The following CLHC1 variants were observed in gnomAD, a reference collection of about 807,000 sequenced individuals.
CLHC1 encodes clathrin heavy chain linker domain-containing protein 1.
In CLHC1, 72 loss-of-function variants were observed where a neutral mutation model predicts 69.5. That is an observed-to-expected ratio of 1.04 (90% confidence interval 0.86 to 1.26). CLHC1 has a LOEUF of 1.26. Among genes scored for constraint, CLHC1 ranks in the 50% most tolerant of loss-of-function variants. The pLI is 0.00. For synonymous variants in CLHC1, 223 were observed against 224.3 expected (o/e 0.99, Z 0.05); for missense variants, 790 against 679.3 (o/e 1.16, Z -1.81).
At chr2:55,213,952 T>C (rs563615665) in intron 4 of CLHC1, among the ~76,000 whole-genome samples, 9 of 152,162 alleles carry the variant, frequency 5.9e-5, no homozygotes, top group African/African-American at 1.7e-4. Context: ...TCTGGATAAA[T>C]TGACCTAAGA....
chr2:55,180,105 G>T (rs576489095), intron 11 of CLHC1, among the ~76,000 whole-genome samples: 7 of 151,884 alleles, frequency 4.6e-5, no homozygotes, highest in Admixed American at 6.6e-5. Context: ...AGTGAGCCAA[G>T]ATCGCAGCAC....
chr2:55,180,888 A>C (rs1173895240), intron 10 of CLHC1, among the ~76,000 whole-genome samples, 176 bp from the exon 11 acceptor site: 2 of 152,212 alleles, frequency 1.3e-5, no homozygotes, highest in Non-Finnish European at 2.9e-5. Flanking sequence ...GTCAATTTCT[A>C]TCACCCCGAT....
At chr2:55,221,491 A>G (rs1377424620) in intron 3 of CLHC1, among the ~76,000 whole-genome samples, 2 of 152,240 alleles carry the variant, frequency 1.3e-5, no homozygotes, top group African/African-American at 4.8e-5. Flanking sequence ...ACTCCAATCT[A>G]CAAGGAACCT....
At chr2:55,212,596 T>A in intron 5 of CLHC1, 77 bp downstream of exon 5, 1 of 1,161,548 alleles carries the variant, frequency 8.6e-7, no homozygotes, top group Non-Finnish European at 1.3e-6. Flanking sequence ...ATCAGCACAT[T>A]TATATTAATG....
Position 55,209,814 on chromosome 2 carries a change from A to G in CLHC1, c.517T>C (p.Ser173Pro). ...TTAGTGAGAGCATCTAGATTCATGG[A>G]TTCTTGAAGAGTCATGCCTATGGGG... is the stretch of plus-strand genomic sequence containing the variant. ...KPIPGMTLQE[S>P]MNLDALTKYM... Residue 173 changes from serine (S) to proline (P), a missense_variant, in exon 6 of 13, where the codon TCC (serine) becomes CCC (proline). By Grantham distance (74) the Ser-to-Pro change is moderately conservative. Coordinates refer to ENST00000401408, the MANE Select transcript of CLHC1 (RefSeq NM_152385.4). 1 of 1,606,870 alleles carries G rather than the reference A, an allele frequency of 6.2e-7. No homozygotes were observed. Among genetic ancestry groups the G allele is most frequent in the African/African-American group, 1.3e-5 (1 of 74,906 alleles).
At chr2:55,185,852 C>G (rs1489310693) in intron 9 of CLHC1, among the ~76,000 whole-genome samples, 1 of 152,084 alleles carries the variant, frequency 6.6e-6, no homozygotes, top group Non-Finnish European at 1.5e-5. Flanking sequence ...CTGCTGTGAA[C>G]ATTATTTTAT....
In CLHC1 at chr2:55,209,801, T is replaced by C. The variant is rs564150260; in HGVS notation, c.530A>G (p.Asp177Gly). 533 of 1,609,422 alleles carry C rather than the reference T, an allele frequency of 3.3e-4. 2 individuals are homozygous for C. The South Asian group carries it at 5.7e-3, about 17-fold the overall frequency. The change falls in exon 6 of 13, where the codon GAT becomes GGT. Residue 177 changes from aspartate to glycine, a missense_variant. Physicochemically the swap from Asp to Gly is moderately conservative, Grantham distance 94. Coordinates refer to ENST00000401408, the MANE Select transcript of CLHC1 (RefSeq NM_152385.4). Reference protein sequence around the residue: ...GMTLQESMNLDALTKYMKHLE... With the variant: ...GMTLQESMNLGALTKYMKHLE... ...ATGTTTCATGTATTTAGTGAGAGCA[T>C]CTAGATTCATGGATTCTTGAAGAGT...
At position 55,185,618 on chromosome 2, in the gene CLHC1, T is replaced by C. The variant is rs150589126; in HGVS notation, c.1007-3874A>G. Among the ~76,000 whole-genome samples, 30 of 152,312 alleles carry C rather than the reference T, an allele frequency of 2.0e-4. No individual in the cohort carries two copies. The East Asian group carries it at 5.6e-3, about 28-fold the overall frequency. On this transcript the variant is annotated intron_variant, in intron 9 of 12. Transcript: ENST00000401408. ...ACCTAGAACAATGCCCAGCACATAT[T>C]AGATAATCAATTTTGTTGAATGAAG...
rs1400143943 is a variant in CLHC1 at position 55,206,370 on chromosome 2, A to C, written c.906T>G (p.Asn302Lys). The change falls in exon 9 of 13, where the codon AAT (asparagine) becomes AAG (lysine). Residue 302 changes from asparagine (N) to lysine (K), a missense_variant. Asn to Lys is a moderately conservative substitution (Grantham distance 94, BLOSUM62 0). Transcript: ENST00000401408. Reference sequence around the variant, plus strand: ...CATATTCACCAAGTGAGATTAACTCATTAAACCTATAGCCATCACATTTTA... The same window carrying C: ...CATATTCACCAAGTGAGATTAACTCCTTAAACCTATAGCCATCACATTTTA... ...EIMLHYIERF[N>K]ELISLGEYEK... 6.4e-7 allele frequency: 1 copy of C among 1,568,444 alleles called. No homozygotes were observed. Among genetic ancestry groups the C allele is most frequent in the Non-Finnish European group, 8.8e-7 (1 of 1,139,630 alleles).
Position 55,180,663 on chromosome 2 carries a change from G to C in CLHC1, c.1231C>G (p.Gln411Glu), listed in dbSNP as rs766560089. The change falls in exon 11 of 13, where the codon CAG becomes GAG. Residue 411 changes from glutamine (Q) to glutamate (E), a missense_variant. Physicochemically the swap from Gln to Glu is conservative, Grantham distance 29. Transcript: ENST00000401408. ...CACTTGGCCTTGTTATAAGTATCCTGCTCCCCATAATCACAAATCACATCC... is the reference window on the plus strand; with the variant it reads ...CACTTGGCCTTGTTATAAGTATCCTCCTCCCCATAATCACAAATCACATCC... ...AGDVICDYGE[Q>E]DTYNKAKCLA... The C allele has an allele frequency of 3.0e-5, 49 of 1,613,796 alleles. No homozygotes were observed. The highest frequency in any genetic ancestry group is 4.0e-5 in the Non-Finnish European group (47 of 1,179,914).
rs1674244318 is a variant in CLHC1, at chr2:55,222,593, G to C, written c.-82-100C>G. ...TTTTTTAGAAAAAAATTTCCTATCT[G>C]TCTCTGTGATAAATACTTCAACCTA... is the stretch of plus-strand genomic sequence containing the variant. On this transcript the variant is annotated intron_variant, in intron 2 of 12. Coordinates refer to ENST00000401408, the MANE Select transcript of CLHC1 (RefSeq NM_152385.4). 6.0e-6 allele frequency: 3 copies of C among 502,812 alleles called. No homozygotes were observed. The South Asian group carries it at 8.0e-5, about 13-fold the overall frequency. 31.1% of individuals were successfully genotyped at this position (502,812 alleles called of 1,614,324 possible). A position where few individuals can be genotyped will look rare whatever the true frequency, so the allele number is the denominator to read the frequency against.
At chr2:55,203,048 C>A (rs1188297305) in intron 9 of CLHC1, among the ~76,000 whole-genome samples, 1 of 152,038 alleles carries the variant, frequency 6.6e-6, no homozygotes, top group Non-Finnish European at 1.5e-5. Flanking sequence ...ATAATAGCCA[C>A]AAATTAAATA....
In CLHC1 at chr2:55,181,691, G is replaced by C; in HGVS notation, c.1060C>G (p.Leu354Val). ...GGAAAAGCATGACTTGTGATAAAGA[G>C]GGCCTCAAAAAATAAGAGTAATGGA... ...PLPLLLFFEA[L>V]FITSHAFPCP... Residue 354 changes from leucine to valine, a missense_variant, in exon 10 of 13, where the codon CTC becomes GTC. Coordinates refer to ENST00000401408, the MANE Select transcript of CLHC1 (RefSeq NM_152385.4). 1 of 1,613,746 alleles carries C rather than the reference G, an allele frequency of 6.2e-7. No homozygotes were observed. Among genetic ancestry groups the C allele is most frequent in the South Asian group, 1.1e-5 (1 of 91,038 alleles).
chr2:55,198,061 G>T (rs191388117), intron 9 of CLHC1, among the ~76,000 whole-genome samples: 1 of 152,166 alleles, frequency 6.6e-6, no homozygotes, highest in Admixed American at 6.5e-5. Flanking sequence ...CAATTGACAT[G>T]CTGAAGAATG....
chr2:55,225,712 G>C (rs6755515), intron 2 of CLHC1: 119,559 of 152,304 alleles, frequency 0.79, 47,237 homozygotes, highest in African/African-American at 0.85. Context: ...GCCCCACTGC[G>C]TGCCAGGGGG....
At chr2:55,226,141 A>G (rs995446919) in intron 2 of CLHC1, among the ~76,000 whole-genome samples, 60 of 151,664 alleles carry the variant, frequency 4.0e-4, no homozygotes, top group African/African-American at 1.2e-3. Flanking sequence ...GCAGTGAGCC[A>G]AGATCGCACC....
At chr2:55,229,165 AAAAAG>A in intron 1 of CLHC1, among the ~76,000 whole-genome samples, 1 of 137,042 alleles carries the variant, frequency 7.3e-6, no homozygotes, top group Non-Finnish European at 1.6e-5. Context: ...AAAAAAAAAA[AAAAAG>A]AAAGAAAAAA....
chr2:55,192,208 C>T (rs1013766383), intron 9 of CLHC1, among the ~76,000 whole-genome samples: 7 of 151,990 alleles, frequency 4.6e-5, no homozygotes, highest in African/African-American at 1.5e-4. Context: ...CAACCTTTGC[C>T]TCCTGGGTTC....
intron 9 of CLHC1, among the ~76,000 whole-genome samples, chr2:55,195,642 A>G (rs1166463257): frequency 1.3e-5 from 2 of 152,072 alleles, no homozygotes; most frequent in African/African-American, 2.4e-5. Flanking sequence ...TCTCTACTAA[A>G]AATACAAAAA....
Sources: gnomAD v4.1 joint callset for allele counts (sites outside exome capture counted in the v4.1 genomes callset) on GRCh38, gnomAD v4.1.1 for gene constraint, MANE v1.5 for transcripts, NCBI Gene and HGNC (gene_info 2026-07-23, HGNC 2026-07-21) for gene names.